The following CDK14 variants were observed in gnomAD, a reference collection of about 807,000 sequenced individuals.
The protein encoded by CDK14 is cyclin dependent kinase 14, also known as cyclin-dependent kinase 14.
In CDK14, 34 loss-of-function variants were observed where a neutral mutation model predicts 60.7. The ratio of observed to expected loss-of-function variants is 0.56; its 90% CI spans 0.43 to 0.75. The LOEUF (loss-of-function observed/expected upper bound fraction) is 0.75. CDK14 is among the 30% of genes least tolerant of loss of function. The pLI is 0.00. For missense variants in CDK14, 482 were observed against 564.1 expected, an observed-to-expected ratio of 0.85 and a Z score of 1.47; for synonymous variants, 197 against 203.7, an observed-to-expected ratio of 0.97 and a Z score of 0.28.
intron 4 of CDK14, among the ~76,000 whole-genome samples, chr7:90,753,233 C>T (rs1024263170): frequency 6.6e-6 from 1 of 151,878 alleles, no homozygotes; most frequent in African/African-American, 2.4e-5. Context: ...GAACAAAAAT[C>T]CTAAACAAAA....
Position 90,650,792 on chromosome 7 carries a change from C to A in CDK14, c.123+46543C>A, listed in dbSNP as rs552001138. 3.9e-5 allele frequency among the ~76,000 whole-genome samples: 6 copies of A among 152,160 alleles called. No individual in the cohort carries two copies. In the South Asian group the frequency reaches 1.2e-3, roughly 32 times the overall value. ...TAGATGTGTGGTGTTATTTCTGAGG[C>A]CTCTGTTGTGTTCCATTAGTCTATA... On this transcript the variant is annotated intron_variant, in intron 2 of 14. Transcript: ENST00000380050.
chr7:91,099,105 T>C (rs1799088901), intron 12 of CDK14, among the ~76,000 whole-genome samples: 1 of 152,146 alleles, frequency 6.6e-6, no homozygotes, highest in Non-Finnish European at 1.5e-5. Flanking sequence ...TCCAAAACCT[T>C]CCTCTGATGA....
At chr7:91,128,338 T>C (rs890768507) in intron 14 of CDK14, among the ~76,000 whole-genome samples, 1 of 152,194 alleles carries the variant, frequency 6.6e-6, no homozygotes, top group Non-Finnish European at 1.5e-5. Context: ...ATTAAGCTAC[T>C]GTATATAGCT....
chr7:90,679,779 T>C (rs1302083037), intron 2 of CDK14, among the ~76,000 whole-genome samples: 1 of 152,252 alleles, frequency 6.6e-6, no homozygotes, highest in Non-Finnish European at 1.5e-5. Context: ...AGCTATGCTG[T>C]ATGATTTCTT....
chr7:90,732,798 A>G (rs1467512647), intron 3 of CDK14, among the ~76,000 whole-genome samples: 1 of 152,114 alleles, frequency 6.6e-6, no homozygotes, highest in Non-Finnish European at 1.5e-5. Flanking sequence ...CAGCTCCTGT[A>G]TTCAGTGATG....
At chr7:91,041,293 A>G (rs1797084026) in intron 10 of CDK14, among the ~76,000 whole-genome samples, 1 of 151,560 alleles carries the variant, frequency 6.6e-6, no homozygotes, top group East Asian at 1.9e-4. Flanking sequence ...GCATTTTGGC[A>G]TTTGCTATTT....
intron 7 of CDK14, among the ~76,000 whole-genome samples, chr7:90,916,265 T>C (rs554484750): frequency 1.6e-4 from 24 of 152,232 alleles, no homozygotes; most frequent in African/African-American, 4.8e-4. Flanking sequence ...ATAAGAAGCG[T>C]TGAGAGGACA....
intron 11 of CDK14, among the ~76,000 whole-genome samples, chr7:91,060,664 A>T (rs2116113342): frequency 6.6e-6 from 1 of 152,268 alleles, no homozygotes; most frequent in East Asian, 1.9e-4. Context: ...TATGAAACTT[A>T]GTTTGGCTGG....
intron 6 of CDK14, among the ~76,000 whole-genome samples, chr7:90,874,015 CTGTT>C (rs1208944608): frequency 6.6e-6 from 1 of 152,110 alleles, no homozygotes; most frequent in Non-Finnish European, 1.5e-5. Context: ...TTTTTCCTCT[CTGTT>C]TCTCTGGAAT....
intron 2 of CDK14, among the ~76,000 whole-genome samples, chr7:90,609,901 G>A (rs941422608): frequency 1.3e-5 from 2 of 152,106 alleles, no homozygotes; most frequent in Admixed American, 1.3e-4. Flanking sequence ...TGATGTATAC[G>A]CTGTCATACA....
intron 6 of CDK14, among the ~76,000 whole-genome samples, chr7:90,865,842 A>T (rs1457679844): frequency 2.0e-5 from 3 of 152,120 alleles, no homozygotes; most frequent in African/African-American, 7.2e-5. Flanking sequence ...GAAAAACCTA[A>T]AGGTTAGGGA....
At chr7:90,754,770 AAT>A (rs1319455083) in intron 4 of CDK14, among the ~76,000 whole-genome samples, 2 of 152,206 alleles carry the variant, frequency 1.3e-5, no homozygotes, top group African/African-American at 4.8e-5. Context: ...TTTAACGAGC[AAT>A]AACCAAATAA....
intron 5 of CDK14, among the ~76,000 whole-genome samples, chr7:90,828,355 G>C (rs1000207099): frequency 6.6e-6 from 1 of 152,162 alleles, no homozygotes; most frequent in Non-Finnish European, 1.5e-5. Flanking sequence ...TGTATAGTCA[G>C]TATCACAATC....
chr7:90,982,991 A>G (rs952448830), intron 9 of CDK14, among the ~76,000 whole-genome samples: 9 of 152,196 alleles, frequency 5.9e-5, no homozygotes, highest in African/African-American at 1.7e-4. Flanking sequence ...AATCAAAACC[A>G]CAATGAGATA....
rs1802534073 is a variant in CDK14, at chr7:91,196,206, G to C, written c.*29-10959G>C. On this transcript the variant is annotated intron_variant, in intron 14 of 14. Transcript: ENST00000380050. ...TTTAACAGTTGGCTCTCCAGAAAGA[G>C]AGTAGAATAGTCCTGATTGGTCACG... Among the ~76,000 whole-genome samples, 4 of 152,324 alleles carry C rather than the reference G, an allele frequency of 2.6e-5. No homozygotes were observed. The South Asian group carries it at 8.3e-4, about 32-fold the overall frequency.
chr7:90,710,618 A>G (rs1802024843), intron 2 of CDK14: 1 of 876,764 alleles, frequency 1.1e-6, no homozygotes, highest in Non-Finnish European at 1.4e-6. Flanking sequence ...TTTTATGTAC[A>G]GAAGTGATAA....
chr7:90,615,260 A>C (rs1799627705), intron 2 of CDK14, among the ~76,000 whole-genome samples: 1 of 152,224 alleles, frequency 6.6e-6, no homozygotes, highest in Non-Finnish European at 1.5e-5. Context: ...CTGATTAAGA[A>C]TATCTTTCTC....
chr7:90,758,292 G>A (rs963042027), intron 4 of CDK14, among the ~76,000 whole-genome samples: 11 of 149,058 alleles, frequency 7.4e-5, no homozygotes, highest in African/African-American at 2.4e-4. Flanking sequence ...CTCTCTCTCT[G>A]TTTTTATGTT....
rs1342980525 is a variant in CDK14 at position 90,768,729 on chromosome 7, C to G, written c.464+20954C>G. ...GCAATTGTGTTCTCTCACTTAGATTCAAAATCTGTGAGTTCAGCTGACTAA... is the reference window on the plus strand; with the variant it reads ...GCAATTGTGTTCTCTCACTTAGATTGAAAATCTGTGAGTTCAGCTGACTAA... On this transcript the variant is annotated intron_variant, in intron 4 of 14. Transcript: ENST00000380050. 2.6e-5 allele frequency among the ~76,000 whole-genome samples: 4 copies of G among 152,140 alleles called. No homozygotes were observed. The East Asian group carries it at 7.7e-4, about 29-fold the overall frequency.
Sources: gnomAD v4.1 joint callset for allele counts (sites outside exome capture counted in the v4.1 genomes callset) on GRCh38, gnomAD v4.1.1 for gene constraint, MANE v1.5 for transcripts, NCBI Gene and HGNC (gene_info 2026-07-23, HGNC 2026-07-21) for gene names.